The following MYBL2 variants were observed in gnomAD, a reference collection of about 807,000 sequenced individuals.
The protein encoded by MYBL2 is myb-related protein B.
MYBL2 carries 28 observed loss-of-function variants against 79.9 expected under a neutral mutation model. That is an observed-to-expected ratio of 0.35 (90% CI 0.26 to 0.48). The LOEUF (loss-of-function observed/expected upper bound fraction) is 0.48, where lower values mean the gene tolerates loss of function less well. MYBL2 is among the 20% of genes least tolerant of loss of function. The pLI is 0.99. For missense variants in MYBL2, 735 were observed against 893.9 expected, an observed-to-expected ratio of 0.82 and a Z score of 2.27; for synonymous variants, 378 against 361.2, an observed-to-expected ratio of 1.05 and a Z score of -0.53.
chr20:43,709,940 TC>T (rs756101236), intron 9 of MYBL2, 22 bp from the exon 10 acceptor site: 2 of 1,571,210 alleles, frequency 1.3e-6, no homozygotes, highest in Admixed American at 3.5e-5. Context: ...TGTCACTAGT[TC>T]CCCCGTTCTG....
intron 2 of MYBL2, among the ~76,000 whole-genome samples, chr20:43,676,950 A>T (rs921780668): frequency 1.3e-5 from 2 of 151,484 alleles, no homozygotes; most frequent in Middle Eastern, 3.4e-3. Context: ...GGGTCTTGCT[A>T]TGTTGCCCAG....
chr20:43,704,965 C>T (rs1030930824), intron 8 of MYBL2, among the ~76,000 whole-genome samples: 5 of 152,130 alleles, frequency 3.3e-5, no homozygotes, highest in East Asian at 3.9e-4. Flanking sequence ...CGTCAGCACT[C>T]GAGTAGAGAT....
Position 43,713,124 on chromosome 20 carries a change from T to C in MYBL2, c.1824+18T>C. 5.0e-6 allele frequency: 8 copies of C among 1,598,476 alleles called. No homozygotes were observed. Among genetic ancestry groups the C allele is most frequent in the Non-Finnish European group, 6.8e-6 (8 of 1,169,656 alleles). On this transcript the variant is annotated intron_variant, in intron 12 of 13. Coordinates refer to ENST00000217026, the MANE Select transcript of MYBL2 (RefSeq NM_002466.4). The stretch of plus-strand genomic sequence containing the variant: ...TATCCTTGGTAAGGCTTCTGCTCCT[T>C]GGAACTGTTGAGTTTTGGAGAGGAC...
In MYBL2 at chr20:43,667,235, C is replaced by T. The variant is rs1026927237; in HGVS notation, c.-49C>T. ...CCTGACCCCGGCCCGGCTCCCGCTC[C>T]GGGCTCTGCCGGCGGGCGGGCGAGC... On this transcript the variant is annotated 5_prime_UTR_variant, in exon 1 of 14. Coordinates refer to ENST00000217026, the MANE Select transcript of MYBL2 (RefSeq NM_002466.4). 1.0e-5 allele frequency: 12 copies of T among 1,199,724 alleles called. No homozygotes were observed. The African/African-American group carries it at 1.9e-4, about 19-fold the overall frequency. The allele number at this position is 1,199,724 out of a possible 1,614,324, so 74.3% of individuals were successfully genotyped here. A position where few individuals can be genotyped will look rare whatever the true frequency, so the allele number is the denominator to read the frequency against.
chr20:43,678,145 A>T (rs1417476740), intron 2 of MYBL2, among the ~76,000 whole-genome samples: 6 of 152,066 alleles, frequency 3.9e-5, no homozygotes, highest in Non-Finnish European at 1.5e-5. Flanking sequence ...AATCTCAAGT[A>T]CCCAGGGACA....
intron 13 of MYBL2, 146 bp from the exon 14 acceptor site, chr20:43,715,813 C>A: frequency 1.7e-6 from 2 of 1,173,820 alleles, no homozygotes; most frequent in Middle Eastern, 2.1e-4. Flanking sequence ...TGTCCAGGGT[C>A]ACAGGGAATG....
chr20:43,713,177 C>A, intron 12 of MYBL2, 71 bp downstream of exon 12: 1 of 1,353,152 alleles, frequency 7.4e-7, no homozygotes, highest in Non-Finnish European at 1.0e-6. Context: ...TGTAGTGACT[C>A]TCCAACTGGG....
chr20:43,687,967 A>G (rs1221939178), intron 5 of MYBL2, among the ~76,000 whole-genome samples: 2 of 148,894 alleles, frequency 1.3e-5, no homozygotes, highest in East Asian at 2.0e-4. Context: ...AGCCGAGATC[A>G]TATCACTGCA....
chr20:43,673,109 A>G (rs1156856466), intron 1 of MYBL2, among the ~76,000 whole-genome samples: 1 of 151,818 alleles, frequency 6.6e-6, no homozygotes, highest in Non-Finnish European at 1.5e-5. Context: ...GCACCCAGCT[A>G]ATATTTGTAT....
At chr20:43,684,226 C>T (rs1253788949) in intron 4 of MYBL2, among the ~76,000 whole-genome samples, 8 of 144,280 alleles carry the variant, frequency 5.5e-5, no homozygotes, top group African/African-American at 2.0e-4. Flanking sequence ...CATTCCTGTT[C>T]TTTTTTTTTT....
chr20:43,716,258 G>A lies in MYBL2; in HGVS notation c.*171G>A, dbSNP rs1988032009. On this transcript the variant is annotated 3_prime_UTR_variant, in exon 14 of 14. Coordinates refer to ENST00000217026, the MANE Select transcript of MYBL2 (RefSeq NM_002466.4). Reference sequence around the variant, plus strand: ...CAGGGCCATGTGCTGCCCTGTTGCCGAGCCCAGCTGTGGGCGGCTCCTGGT... The same window carrying A: ...CAGGGCCATGTGCTGCCCTGTTGCCAAGCCCAGCTGTGGGCGGCTCCTGGT... The A allele has an allele frequency of 2.0e-6, 2 of 1,005,540 alleles. No individual in the cohort carries two copies. The highest frequency in any genetic ancestry group is 2.8e-6 in the Non-Finnish European group (2 of 716,886). 62.3% of individuals were successfully genotyped at this position (1,005,540 alleles called of 1,614,324 possible). A position where few individuals can be genotyped will look rare whatever the true frequency, so the allele number is the denominator to read the frequency against.
In MYBL2 at chr20:43,715,407, T is replaced by A. The variant is rs934401480; in HGVS notation, c.1974+124T>A. On this transcript the variant is annotated intron_variant, in intron 13 of 13. Transcript: ENST00000217026. ...CTTAGCTCAGGGCCTTTGCATAGGC[T>A]GTTCCTCTGCCTGGGTGCTTTTCCT... The A allele has an allele frequency of 4.6e-5, 67 of 1,460,252 alleles. 1 individual carries two copies. The South Asian group carries it at 8.7e-4, about 19-fold the overall frequency. The allele number at this position is 1,460,252 out of a possible 1,614,324, so 90.5% of individuals were successfully genotyped here. A position where few individuals can be genotyped will look rare whatever the true frequency, so the allele number is the denominator to read the frequency against.
intron 5 of MYBL2, among the ~76,000 whole-genome samples, 188 bp from the exon 6 acceptor site, chr20:43,691,969 A>G (rs1396000243): frequency 6.6e-6 from 1 of 151,992 alleles, no homozygotes; most frequent in African/African-American, 2.4e-5. Flanking sequence ...CTTCGTGGAA[A>G]TGCTCTGTAA....
chr20:43,699,014 T>A (rs1390201872), intron 6 of MYBL2, among the ~76,000 whole-genome samples: 1 of 152,076 alleles, frequency 6.6e-6, no homozygotes, highest in African/African-American at 2.4e-5. Flanking sequence ...TTTTATTTTT[T>A]AATGTTTATT....
intron 6 of MYBL2, 72 bp downstream of exon 6, chr20:43,692,391 G>T (rs914888549): frequency 1.3e-5 from 20 of 1,571,910 alleles, no homozygotes; most frequent in Non-Finnish European, 1.6e-5. Flanking sequence ...TGAACACCTT[G>T]TCCACAGCTA....
rs1568858618 is a variant in MYBL2, at chr20:43,687,076, A to G, written c.500+4A>G. 6.2e-6 allele frequency: 10 copies of G among 1,611,778 alleles called. No homozygotes were observed. Among genetic ancestry groups the G allele is most frequent in the Non-Finnish European group, 7.6e-6 (9 of 1,179,496 alleles). On this transcript the variant is annotated splice_donor_region_variant and intron_variant, in intron 5 of 13. Coordinates refer to ENST00000217026, the MANE Select transcript of MYBL2 (RefSeq NM_002466.4). Reference sequence around the variant, plus strand: ...TCGCCAAGATGTTGCCAGGGAGGTAAGCTGTCTTCTTGGGGGTTGGGACAG... The same window carrying G: ...TCGCCAAGATGTTGCCAGGGAGGTAGGCTGTCTTCTTGGGGGTTGGGACAG...
chr20:43,686,159 C>A (rs1200966773), intron 4 of MYBL2, among the ~76,000 whole-genome samples: 1 of 152,032 alleles, frequency 6.6e-6, no homozygotes, highest in Non-Finnish European at 1.5e-5. Context: ...ATTTCTTCAC[C>A]AAAATCTTTG....
At chr20:43,678,706 A>C (rs1987073316) in intron 2 of MYBL2, among the ~76,000 whole-genome samples, 1 of 151,736 alleles carries the variant, frequency 6.6e-6, no homozygotes, top group Non-Finnish European at 1.5e-5. Context: ...AAAATACAAA[A>C]AATTAGCTGG....
Position 43,668,685 on chromosome 20 carries a change from GTT to G in MYBL2, c.20+1401_20+1402del, listed in dbSNP as rs3091868. 3.7e-3 allele frequency among the ~76,000 whole-genome samples: 391 copies of G among 106,168 alleles called. 3 individuals carry two copies. Among genetic ancestry groups the G allele is most frequent in the African/African-American group, 8.8e-3 (245 of 27,820 alleles). The allele number at this position is 106,168 out of a possible 152,430, so 69.7% of individuals were successfully genotyped here. ...CAGGCGCCTATCAGACCCTGCCCTG[GTT>G]TTTTTTTTTTTTTTTTTTGAGGCAG... On this transcript the variant is annotated intron_variant, in intron 1 of 13. Transcript: ENST00000217026.
Sources: allele counts gnomAD v4.1 joint callset (sites outside exome capture counted in the v4.1 genomes callset), GRCh38; gene constraint gnomAD v4.1.1; transcripts MANE v1.5; gene names NCBI Gene and HGNC (gene_info 2026-07-23, HGNC 2026-07-21).